PRKG1: variants seen among roughly 807,000 people sequenced by gnomAD.
The protein encoded by PRKG1 is protein kinase cGMP-dependent 1, also known as cGMP-dependent protein kinase 1.
In PRKG1, 35 loss-of-function variants were observed where a neutral mutation model predicts 88.1. The ratio of observed to expected loss-of-function variants is 0.40; its 90% confidence interval spans 0.30 to 0.53. The LOEUF (loss-of-function observed/expected upper bound fraction) is 0.53. PRKG1 is among the 20% of genes least tolerant of loss of function. PRKG1 has a pLI of 0.59. For synonymous variants in PRKG1, 303 were observed against 292.5 expected, an observed-to-expected ratio of 1.04 and a Z score of -0.37; for missense variants, 540 against 839.8, an observed-to-expected ratio of 0.64 and a Z score of 4.41.
intron 3 of PRKG1, among the ~76,000 whole-genome samples, chr10:51,766,787 A>G (rs1344146303): frequency 6.6e-6 from 1 of 152,164 alleles, no homozygotes; most frequent in Non-Finnish European, 1.5e-5. Flanking sequence ...TTTAACATGT[A>G]AAACTGGGGT....
At chr10:51,230,892 G>T (rs1175091381) in intron 2 of PRKG1, among the ~76,000 whole-genome samples, 1 of 152,060 alleles carries the variant, frequency 6.6e-6, no homozygotes, top group Non-Finnish European at 1.5e-5. Context: ...TGAATGTGGA[G>T]GGCTGGTTGT....
intron 3 of PRKG1, among the ~76,000 whole-genome samples, chr10:51,656,870 A>G (rs1034422565): frequency 2.0e-5 from 3 of 152,120 alleles, no homozygotes; most frequent in Non-Finnish European, 4.4e-5. Context: ...TTAGATTGGT[A>G]GCATAGAGTA....
chr10:51,969,684 G>A (rs1347173015), intron 5 of PRKG1, among the ~76,000 whole-genome samples: 1 of 151,900 alleles, frequency 6.6e-6, no homozygotes, highest in Non-Finnish European at 1.5e-5. Context: ...AGTTTTCAGA[G>A]AAATGAGAAA....
chr10:51,001,033 T>A lies in PRKG1; in HGVS notation c.266+9389T>A, dbSNP rs1247658711. Among the ~76,000 whole-genome samples, 7 of 152,234 alleles carry A rather than the reference T, an allele frequency of 4.6e-5. No individual in the cohort carries two copies. The East Asian group carries it at 1.3e-3, about 29-fold the overall frequency. ...GAGATGGTGGTTTTCATGAAATATA[T>A]TCTTGCTTTGAGGATAAGTCATTCT... On this transcript the variant is annotated intron_variant, in intron 1 of 17. Coordinates refer to the PRKG1 transcript ENST00000401604.
chr10:51,909,036 G>C (rs1288162273), intron 5 of PRKG1: 1 of 152,124 alleles, frequency 6.6e-6, no homozygotes, highest in Non-Finnish European at 1.5e-5. Context: ...AGCCGATTGT[G>C]ACTATATTTT....
chr10:51,448,216 C>G (rs531140207), intron 2 of PRKG1, among the ~76,000 whole-genome samples: 1 of 151,974 alleles, frequency 6.6e-6, no homozygotes, highest in South Asian at 2.1e-4. Flanking sequence ...CCACTGAACT[C>G]CATTCTGGGC....
At chr10:52,108,572 A>T (rs536720526) in intron 7 of PRKG1, among the ~76,000 whole-genome samples, 1 of 152,284 alleles carries the variant, frequency 6.6e-6, no homozygotes, top group South Asian at 2.1e-4. Context: ...CTCTTTCAGT[A>T]TACTATAAAT....
chr10:51,592,218 C>T (rs1838329889), intron 3 of PRKG1, among the ~76,000 whole-genome samples: 1 of 152,116 alleles, frequency 6.6e-6, no homozygotes, highest in African/African-American at 2.4e-5. Context: ...TTTCTCTATT[C>T]AGAACTGCTG....
At chr10:51,800,968 G>A (rs1400616420) in intron 3 of PRKG1, among the ~76,000 whole-genome samples, 1 of 151,978 alleles carries the variant, frequency 6.6e-6, no homozygotes, top group Non-Finnish European at 1.5e-5. Context: ...CCTAACCCTG[G>A]GTGTAGCATC....
At chr10:51,191,549 T>C (rs1454048518) in intron 2 of PRKG1, among the ~76,000 whole-genome samples, 2 of 151,882 alleles carry the variant, frequency 1.3e-5, no homozygotes, top group African/African-American at 4.8e-5. Context: ...GTCAAAGTAA[T>C]ATGGTGATGA....
intron 3 of PRKG1, 172 bp downstream of exon 3, chr10:51,468,008 ACAAT>A (rs1020106379): frequency 3.4e-6 from 2 of 588,740 alleles, no homozygotes; most frequent in South Asian, 2.0e-5. Context: ...GTGATTGTTA[ACAAT>A]CAGTTTTGTA....
At chr10:51,878,545 T>C (rs1841357685) in intron 4 of PRKG1, among the ~76,000 whole-genome samples, 1 of 152,062 alleles carries the variant, frequency 6.6e-6, no homozygotes, top group Non-Finnish European at 1.5e-5. Flanking sequence ...AGAAAAAAAG[T>C]TTTATAAGAA....
intron 3 of PRKG1, among the ~76,000 whole-genome samples, chr10:51,794,866 A>G (rs544466091): frequency 4.1e-4 from 63 of 152,100 alleles, no homozygotes; most frequent in Middle Eastern, 3.2e-3. Context: ...TTTAATTATT[A>G]TATATGTGAC....
intron 2 of PRKG1, among the ~76,000 whole-genome samples, chr10:51,208,741 A>T (rs557602679): frequency 6.6e-6 from 1 of 152,256 alleles, no homozygotes; most frequent in South Asian, 2.1e-4. Flanking sequence ...TTGCCATCAC[A>T]ATTCTGGACA....
At chr10:51,809,996 G>A (rs944215900) in intron 4 of PRKG1, among the ~76,000 whole-genome samples, 1 of 151,906 alleles carries the variant, frequency 6.6e-6, no homozygotes, top group Admixed American at 6.6e-5. Flanking sequence ...TATCTCAAGA[G>A]ACTCCCCTCC....
At chr10:51,017,769 T>C (rs1263125586) in intron 1 of PRKG1, among the ~76,000 whole-genome samples, 2 of 151,836 alleles carry the variant, frequency 1.3e-5, no homozygotes, top group Non-Finnish European at 2.9e-5. Flanking sequence ...AAAGCCCCAA[T>C]TGCTTATTTT....
chr10:51,734,278 A>G (rs1837203661), intron 3 of PRKG1, among the ~76,000 whole-genome samples: 1 of 152,188 alleles, frequency 6.6e-6, no homozygotes, highest in African/African-American at 2.4e-5. Flanking sequence ...GCTTGCATCT[A>G]TTTGAAGAAC....
In PRKG1 at chr10:52,209,050, A is replaced by T. The variant is rs555026302; in HGVS notation, c.1077-42520A>T. 1.7e-3 allele frequency among the ~76,000 whole-genome samples: 256 copies of T among 152,338 alleles called. 2 individuals carry two copies. The highest frequency in any genetic ancestry group is 5.8e-3 in the African/African-American group (242 of 41,576). ...ATGATTTCAGCACATTTCTAACTAT[A>T]TTATATTTGGGTAAAATCCTAACTA... is the stretch of plus-strand genomic sequence containing the variant. On this transcript the variant is annotated intron_variant, in intron 9 of 17. Coordinates refer to ENST00000373980, the MANE Select transcript of PRKG1 (RefSeq NM_006258.4).
intron 3 of PRKG1, among the ~76,000 whole-genome samples, chr10:51,782,273 A>G (rs1838611321): frequency 6.6e-6 from 1 of 152,104 alleles, no homozygotes; most frequent in Admixed American, 6.6e-5. Flanking sequence ...TTTGACTTAC[A>G]ATATTTTCAA....
Sources: allele counts gnomAD v4.1 joint callset (sites outside exome capture counted in the v4.1 genomes callset), GRCh38; gene constraint gnomAD v4.1.1; transcripts MANE v1.5; gene names NCBI Gene and HGNC (gene_info 2026-07-23, HGNC 2026-07-21).